The following CA10 variants were observed in gnomAD, a reference collection of about 807,000 sequenced individuals.
The protein encoded by CA10 is carbonic anhydrase 10 (inactive).
A neutral mutation model predicts 44.2 loss-of-function variants in CA10; 14 were observed. The observed-to-expected ratio is 0.32, with a 90% CI of 0.21 to 0.50. CA10 has a LOEUF of 0.50. Among genes scored for constraint, CA10 ranks in the 20% least tolerant of loss-of-function variants. CA10 has a pLI of 0.99. For synonymous variants in CA10, 159 were observed against 141.6 expected, an observed-to-expected ratio of 1.12 and a Z score of -0.87; for missense variants, 350 against 409.7, an observed-to-expected ratio of 0.85 and a Z score of 1.26.
intron 3 of CA10, among the ~76,000 whole-genome samples, chr17:51,763,999 T>A (rs533483362): frequency 3.2e-4 from 48 of 151,366 alleles, no homozygotes; most frequent in South Asian, 4.2e-4. Context: ...GTGAAATATA[T>A]CCTGATTTTA....
intron 3 of CA10, among the ~76,000 whole-genome samples, chr17:51,916,691 G>A (rs1337104162): frequency 1.4e-4 from 22 of 152,078 alleles, no homozygotes; most frequent in Admixed American, 1.4e-3. Context: ...TTTATCAGCA[G>A]TATGAAAGCA....
At chr17:52,082,544 T>C (rs1208861361) in intron 1 of CA10, among the ~76,000 whole-genome samples, 4 of 152,208 alleles carry the variant, frequency 2.6e-5, no homozygotes, top group Non-Finnish European at 5.9e-5. Flanking sequence ...CCTTCTCAGG[T>C]ACAAAGCTTC....
chr17:51,933,245 G>A (rs1037395622), intron 2 of CA10, among the ~76,000 whole-genome samples: 3 of 152,102 alleles, frequency 2.0e-5, no homozygotes, highest in Admixed American at 6.6e-5. Context: ...TAAGTTAATC[G>A]TTTTGGGATG....
At chr17:51,633,198 C>G (rs1487139064) in intron 8 of CA10, among the ~76,000 whole-genome samples, 1 of 152,102 alleles carries the variant, frequency 6.6e-6, no homozygotes, top group African/African-American at 2.4e-5. Flanking sequence ...TCACATATAT[C>G]AAACCTCTAC....
intron 4 of CA10, among the ~76,000 whole-genome samples, chr17:51,714,046 C>T (rs1389452771): frequency 6.6e-6 from 1 of 152,100 alleles, no homozygotes; most frequent in African/African-American, 2.4e-5. Flanking sequence ...TGCCATGGTG[C>T]CCCTAAGGAG....
rs185646389 is a variant in CA10 at position 51,881,521 on chromosome 17, C to T, written c.279+49469G>A. Among the ~76,000 whole-genome samples the T allele has an allele frequency of 1.4e-4, 21 of 151,748 alleles. 1 individual carries two copies. In the East Asian group the frequency reaches 3.7e-3, roughly 27 times the overall value. On this transcript the variant is annotated intron_variant, in intron 3 of 8. Coordinates refer to ENST00000451037, the MANE Select transcript of CA10 (RefSeq NM_020178.5). ...GATAAAAAAGAAAAAATTTGCAACA[C>T]CTAAAACATAAGAATGGTTAATATT...
intron 2 of CA10, among the ~76,000 whole-genome samples, chr17:51,938,907 A>G (rs1162585969): frequency 6.6e-6 from 1 of 152,062 alleles, no homozygotes; most frequent in Non-Finnish European, 1.5e-5. Context: ...AGGTTAGGGA[A>G]CTAGAATTTG....
chr17:51,695,161 A>AT (rs1915358181), intron 4 of CA10, among the ~76,000 whole-genome samples: 1 of 152,058 alleles, frequency 6.6e-6, no homozygotes, highest in South Asian at 2.1e-4. Context: ...TTCCATATGA[A>AT]TTTTAGAATA....
chr17:51,739,740 A>G lies in CA10; in HGVS notation c.465+7893T>C, dbSNP rs141833312. Among the ~76,000 whole-genome samples, 338 of 152,254 alleles carry G rather than the reference A, an allele frequency of 2.2e-3. 2 individuals are homozygous for G. Among genetic ancestry groups the G allele is most frequent in the African/African-American group, 7.8e-3 (324 of 41,550 alleles). ...GGAGAACTTCCTCTCCTTAGATCAG[A>G]GTCATCATATGCTTGCTGGTATTGC... On this transcript the variant is annotated intron_variant, in intron 4 of 8. Transcript: ENST00000451037.
At chr17:51,737,495 T>C (rs566978168) in intron 4 of CA10, among the ~76,000 whole-genome samples, 1 of 152,264 alleles carries the variant, frequency 6.6e-6, no homozygotes, top group Admixed American at 6.5e-5. Flanking sequence ...AAAAGCCCTA[T>C]CACAGAAGAG....
At chr17:51,730,640 A>C (rs1043318787) in intron 4 of CA10, among the ~76,000 whole-genome samples, 1 of 152,230 alleles carries the variant, frequency 6.6e-6, no homozygotes, top group Non-Finnish European at 1.5e-5. Context: ...CCAGTATGAA[A>C]AAAATGCATC....
chr17:51,997,977 G>A (rs1286678858), intron 2 of CA10, among the ~76,000 whole-genome samples: 1 of 152,026 alleles, frequency 6.6e-6, no homozygotes, highest in Non-Finnish European at 1.5e-5. Flanking sequence ...CTTTCCTAGT[G>A]GGAACCAAGA....
intron 3 of CA10, among the ~76,000 whole-genome samples, chr17:51,753,024 A>AG (rs1201136999): frequency 6.6e-6 from 1 of 152,236 alleles, no homozygotes; most frequent in Non-Finnish European, 1.5e-5. Flanking sequence ...AGGCAGTTCC[A>AG]GAAAAAGTGG....
In CA10 at chr17:52,126,252, A is replaced by G. The variant is rs777175589; in HGVS notation, c.61+31474T>C. Among the ~76,000 whole-genome samples the G allele has an allele frequency of 1.4e-4, 22 of 152,250 alleles. 1 individual carries two copies. The highest frequency in any genetic ancestry group is 2.2e-4 in the Non-Finnish European group (15 of 68,050). Reference sequence around the variant, plus strand: ...TAATATCTGCTCTAAATAACTAGCAAGGGTGGCTATGAGGCTCACATATGA... The same window carrying G: ...TAATATCTGCTCTAAATAACTAGCAGGGGTGGCTATGAGGCTCACATATGA... On this transcript the variant is annotated intron_variant, in intron 1 of 8. Transcript: ENST00000451037.
intron 3 of CA10, among the ~76,000 whole-genome samples, chr17:51,868,198 G>A (rs1598090315): frequency 6.6e-6 from 1 of 152,084 alleles, no homozygotes; most frequent in East Asian, 1.9e-4. Context: ...CCCACAGATG[G>A]TGAACCACGG....
intron 6 of CA10, among the ~76,000 whole-genome samples, chr17:51,643,891 C>T (rs1181204400): frequency 1.3e-5 from 2 of 152,174 alleles, no homozygotes; most frequent in Admixed American, 6.5e-5. Context: ...ACCATCTCAA[C>T]GTCAGCATTA....
At chr17:51,970,200 T>C (rs1488410544) in intron 2 of CA10, among the ~76,000 whole-genome samples, 1 of 152,100 alleles carries the variant, frequency 6.6e-6, no homozygotes, top group Non-Finnish European at 1.5e-5. Flanking sequence ...ATTTAAATCC[T>C]ATTAAAGCAC....
At chr17:51,846,669 C>T (rs1008264227) in intron 3 of CA10, among the ~76,000 whole-genome samples, 1 of 152,218 alleles carries the variant, frequency 6.6e-6, no homozygotes, top group African/African-American at 2.4e-5. Flanking sequence ...ATGTTTTACT[C>T]TTTACTACAT....
chr17:52,012,637 T>C (rs1985835593), intron 2 of CA10, among the ~76,000 whole-genome samples: 1 of 152,032 alleles, frequency 6.6e-6, no homozygotes, highest in African/African-American at 2.4e-5. Context: ...TGATTATTAA[T>C]ATAAAGAATG....
Sources: gnomAD v4.1 joint callset for allele counts (sites outside exome capture counted in the v4.1 genomes callset) on GRCh38, gnomAD v4.1.1 for gene constraint, MANE v1.5 for transcripts, NCBI Gene and HGNC (gene_info 2026-07-23, HGNC 2026-07-21) for gene names.